The following NRXN1 variants were observed in gnomAD, a reference collection of about 807,000 sequenced individuals.
NRXN1 encodes neurexin-1.
In NRXN1, 39 loss-of-function variants were observed where a neutral mutation model predicts 150.9. The ratio of observed to expected loss-of-function variants is 0.26; its 90% CI spans 0.20 to 0.34. The LOEUF (loss-of-function observed/expected upper bound fraction) is 0.34, where lower values mean the gene tolerates loss of function less well. Ranked by LOEUF, NRXN1 falls within the 10% of genes least tolerant of loss-of-function variation. The pLI is 1.00. For synonymous variants in NRXN1, 924 were observed against 757.0 expected (o/e 1.22, Z -3.62); for missense variants, 1,815 against 1,949.9 (o/e 0.93, Z 1.30).
intron 17 of NRXN1, among the ~76,000 whole-genome samples, chr2:50,305,761 G>C (rs2074556356): frequency 6.6e-6 from 1 of 152,164 alleles, no homozygotes; most frequent in Non-Finnish European, 1.5e-5. Context: ...TTGCTTTTCT[G>C]TAAGAAACAC....
At chr2:50,364,097 G>T (rs1264345310) in intron 17 of NRXN1, among the ~76,000 whole-genome samples, 2 of 152,146 alleles carry the variant, frequency 1.3e-5, no homozygotes, top group African/African-American at 4.8e-5. Context: ...TTGGGGGTTG[G>T]GGAGCAAGGG....
intron 10 of NRXN1, among the ~76,000 whole-genome samples, chr2:50,534,128 CAT>C (rs1553753847): frequency 4.3e-4 from 64 of 150,028 alleles, no homozygotes; most frequent in Admixed American, 3.3e-3. Flanking sequence ...CACACACACA[CAT>C]ACACACACAG....
chr2:50,445,662 C>T (rs531570135), intron 17 of NRXN1, among the ~76,000 whole-genome samples: 3 of 152,244 alleles, frequency 2.0e-5, no homozygotes, highest in Middle Eastern at 3.4e-3. Context: ...ATACTCTGCA[C>T]GAGGAAATAA....
At chr2:50,678,322 T>C (rs1048624308) in intron 5 of NRXN1, among the ~76,000 whole-genome samples, 3 of 152,188 alleles carry the variant, frequency 2.0e-5, no homozygotes, top group African/African-American at 7.2e-5. Flanking sequence ...GCAAAAAACT[T>C]CCCCTTTACA....
chr2:50,567,896 T>A (rs1434467796), intron 8 of NRXN1, among the ~76,000 whole-genome samples: 1 of 152,170 alleles, frequency 6.6e-6, no homozygotes, highest in Non-Finnish European at 1.5e-5. Context: ...AACCTGCTGA[T>A]ATAGTAGAAA....
At chr2:50,029,070 A>G (rs1357448576) in intron 21 of NRXN1, among the ~76,000 whole-genome samples, 1 of 152,172 alleles carries the variant, frequency 6.6e-6, no homozygotes, top group Admixed American at 6.6e-5. Flanking sequence ...GTCTTTGAGC[A>G]GTGATTAGGT....
chr2:50,713,830 A>G (rs1695513986), intron 5 of NRXN1, among the ~76,000 whole-genome samples: 1 of 152,206 alleles, frequency 6.6e-6, no homozygotes, highest in Non-Finnish European at 1.5e-5. Flanking sequence ...AGCTAAAATC[A>G]AATGTCATAG....
At chr2:50,865,977 C>A (rs1018395840) in intron 5 of NRXN1, among the ~76,000 whole-genome samples, 1 of 151,584 alleles carries the variant, frequency 6.6e-6, no homozygotes, top group Non-Finnish European at 1.5e-5. Flanking sequence ...GACAAAAAAA[C>A]GAACTCCAAA....
At chr2:50,465,951 T>C (rs1300205126) in intron 16 of NRXN1, among the ~76,000 whole-genome samples, 1 of 151,854 alleles carries the variant, frequency 6.6e-6, no homozygotes, top group Non-Finnish European at 1.5e-5. Context: ...ATGGAGATTA[T>C]AACTTCATGA....
chr2:50,610,570 T>C (rs1469159), intron 8 of NRXN1, among the ~76,000 whole-genome samples: 68,513 of 141,966 alleles, frequency 0.48, 18,337 homozygotes, highest in South Asian at 0.69. Flanking sequence ...TCCAGATTCC[T>C]GAGTGCATTA....
At chr2:50,737,620 AT>A (rs1344571628) in intron 5 of NRXN1, among the ~76,000 whole-genome samples, 3 of 152,140 alleles carry the variant, frequency 2.0e-5, no homozygotes, top group East Asian at 1.9e-4. Context: ...GAGGTCATGA[AT>A]TTTTTTTAAT....
In NRXN1 at chr2:50,465,558, G is replaced by A; in HGVS notation, c.3248C>T (p.Pro1083Leu). The A allele has an allele frequency of 6.2e-7, 1 of 1,606,172 alleles. No individual in the cohort carries two copies. Among genetic ancestry groups the A allele is most frequent in the South Asian group, 1.1e-5 (1 of 89,830 alleles). Residue 1083 changes from proline (P) to leucine (L), a missense_variant, in exon 17 of 23, where the codon CCC (proline) becomes CTC (leucine). By Grantham distance (98) the Pro-to-Leu change is moderately conservative. Around this residue, in one of 6 missense-constraint regions of NRXN1, gnomAD observed 339 missense variants for 440.3 expected, o/e 0.77. Transcript: ENST00000401669. ...NGQIERGCEGPSTTCQEDSCS... is the reference protein window; with the variant it reads ...NGQIERGCEGLSTTCQEDSCS... ...TGAGTCCTCTTGGCAGGTTGTGCTG[G>A]GCCCTGCAAAACAATCCAAAGGAAA...
At chr2:50,657,145 A>T (rs1274951790) in intron 5 of NRXN1, among the ~76,000 whole-genome samples, 1 of 151,938 alleles carries the variant, frequency 6.6e-6, no homozygotes, top group Non-Finnish European at 1.5e-5. Context: ...CCACCATTTC[A>T]TCTGTGGGCT....
At chr2:50,591,242 T>C (rs1053532434) in intron 8 of NRXN1, among the ~76,000 whole-genome samples, 4 of 148,264 alleles carry the variant, frequency 2.7e-5, no homozygotes, top group Non-Finnish European at 4.4e-5. Flanking sequence ...TAGCATGTAG[T>C]AAAATGTCTG....
chr2:50,109,805 T>A (rs1702141310), intron 18 of NRXN1, among the ~76,000 whole-genome samples: 1 of 152,112 alleles, frequency 6.6e-6, no homozygotes, highest in Non-Finnish European at 1.5e-5. Flanking sequence ...CAGAGAGCAA[T>A]CTTTCACGTT....
intron 18 of NRXN1, among the ~76,000 whole-genome samples, chr2:50,178,350 T>C (rs2060478379): frequency 6.6e-6 from 1 of 151,940 alleles, no homozygotes; most frequent in Admixed American, 6.6e-5. Flanking sequence ...TGGGTTGACT[T>C]AGAACTTGTC....
chr2:50,160,356 C>A (rs1249805618), intron 18 of NRXN1, among the ~76,000 whole-genome samples: 1 of 152,004 alleles, frequency 6.6e-6, no homozygotes, highest in Non-Finnish European at 1.5e-5. Context: ...GCCTGACCAA[C>A]ATGGTGAAAA....
intron 21 of NRXN1, among the ~76,000 whole-genome samples, chr2:50,053,015 G>T (rs1475917152): frequency 6.6e-6 from 1 of 152,108 alleles, no homozygotes; most frequent in Middle Eastern, 3.2e-3. Context: ...CCAGAGGAGG[G>T]TTATGGAATC....
chr2:50,174,441 T>A lies in NRXN1; in HGVS notation c.3546+62348A>T, dbSNP rs2060226952. ...TATTTATTAATATTACTATTGTTAC[T>A]AATACACAGATGACTTCAAAAGCTG... On this transcript the variant is annotated intron_variant, in intron 18 of 22. Coordinates refer to ENST00000401669, the MANE Select transcript of NRXN1 (RefSeq NM_001330078.2). Among the ~76,000 whole-genome samples the A allele has an allele frequency of 2.6e-5, 4 of 152,164 alleles. No individual in the cohort carries two copies. The South Asian group carries it at 8.3e-4, about 31-fold the overall frequency.
Sources: gnomAD v4.1 joint callset for allele counts (sites outside exome capture counted in the v4.1 genomes callset) on GRCh38, gnomAD v4.1.1 for gene constraint, gnomAD v4.1.1 regional missense constraint, MANE v1.5 for transcripts, NCBI Gene and HGNC (gene_info 2026-07-23, HGNC 2026-07-21) for gene names.